ELF2: variants seen among roughly 807,000 people sequenced by gnomAD.
The protein encoded by ELF2 is ETS-related transcription factor Elf-2.
Under a neutral mutation model 54.8 loss-of-function variants are expected in ELF2, and 11 were observed. The observed-to-expected ratio is 0.20, with a 90% CI of 0.13 to 0.33. The LOEUF is 0.33. Among genes scored for constraint, ELF2 ranks in the 10% least tolerant of loss-of-function variants. ELF2 has a pLI of 1.00. For synonymous variants in ELF2, 203 were observed against 245.1 expected (o/e 0.83, Z 1.61); for missense variants, 513 against 703.0 (o/e 0.73, Z 3.06).
chr4:139,081,090 C>G (rs1731048308), intron 4 of ELF2, among the ~76,000 whole-genome samples: 1 of 152,122 alleles, frequency 6.6e-6, no homozygotes, highest in African/African-American at 2.4e-5. Flanking sequence ...TGTTAAGTCA[C>G]TAGCTAGTTT....
At chr4:139,136,224 G>A (rs961072639) in intron 3 of ELF2, among the ~76,000 whole-genome samples, 45 of 152,090 alleles carry the variant, frequency 3.0e-4, no homozygotes, top group Non-Finnish European at 1.5e-5. Flanking sequence ...ATTGACGATG[G>A]GAAGAAAGTA....
intron 1 of ELF2, among the ~76,000 whole-genome samples, chr4:139,168,944 C>T (rs72933574): frequency 0.19 from 28,242 of 151,944 alleles, 2,874 homozygotes; most frequent in South Asian, 0.38. Context: ...TGTTAAAAGC[C>T]CTGACAAATG....
chr4:139,092,510 C>T (rs777678900), intron 4 of ELF2, among the ~76,000 whole-genome samples: 1 of 151,688 alleles, frequency 6.6e-6, no homozygotes, highest in African/African-American at 2.4e-5. Context: ...CTAATCCCAC[C>T]ACTTTGAGAG....
chr4:139,067,121 A>T (rs1560760076), intron 7 of ELF2: 2 of 151,982 alleles, frequency 1.3e-5, no homozygotes, highest in Non-Finnish European at 2.9e-5. Flanking sequence ...AAAATTAAAA[A>T]AAAAAAAAGA....
At chr4:139,071,301 A>G (rs1729478548) in intron 6 of ELF2, among the ~76,000 whole-genome samples, 1 of 151,992 alleles carries the variant, frequency 6.6e-6, no homozygotes, top group Admixed American at 6.6e-5. Flanking sequence ...CTATATATGA[A>G]TATGATATAT....
chr4:139,146,417 G>T (rs1739228506), intron 1 of ELF2, among the ~76,000 whole-genome samples: 1 of 152,132 alleles, frequency 6.6e-6, no homozygotes, highest in African/African-American at 2.4e-5. Context: ...TCATGGATTG[G>T]AAGAATCAAT....
At chr4:139,119,867 C>T (rs530106084) in intron 4 of ELF2, among the ~76,000 whole-genome samples, 4 of 152,098 alleles carry the variant, frequency 2.6e-5, no homozygotes, top group South Asian at 2.1e-4. Context: ...CTCCACCTCC[C>T]GGTTCAGGCA....
intron 7 of ELF2, chr4:139,066,578 G>A (rs997643012): frequency 6.6e-6 from 1 of 152,040 alleles, no homozygotes; most frequent in Non-Finnish European, 1.5e-5. Context: ...TTTTTAATCA[G>A]GATACACAAA....
chr4:139,144,483 G>T (rs1234233772), intron 1 of ELF2, among the ~76,000 whole-genome samples: 2 of 152,196 alleles, frequency 1.3e-5, no homozygotes, highest in Non-Finnish European at 2.9e-5. Context: ...AATCTCAAGT[G>T]GGGATGAACT....
At chr4:139,078,574 C>CTT (rs35529764) in intron 4 of ELF2, among the ~76,000 whole-genome samples, 10 of 135,570 alleles carry the variant, frequency 7.4e-5, no homozygotes, top group Admixed American at 2.2e-4. Flanking sequence ...AATGGCAATT[C>CTT]TTTTTTTTTT....
At chr4:139,148,601 T>C (rs748639787) in intron 1 of ELF2, among the ~76,000 whole-genome samples, 2 of 152,122 alleles carry the variant, frequency 1.3e-5, no homozygotes, top group Non-Finnish European at 2.9e-5. Flanking sequence ...TCCTATTGTA[T>C]AGACATATCA....
intron 4 of ELF2, chr4:139,084,477 C>A (rs1332700219): frequency 7.9e-6 from 8 of 1,011,000 alleles, no homozygotes; most frequent in African/African-American, 1.7e-5. Flanking sequence ...GCTGTGGCGG[C>A]CGCCGCAGCT....
At chr4:139,170,948 G>A (rs767407280) in intron 1 of ELF2, among the ~76,000 whole-genome samples, 5 of 151,846 alleles carry the variant, frequency 3.3e-5, no homozygotes, top group Non-Finnish European at 7.4e-5. Flanking sequence ...GTTTTACCAT[G>A]CTGACCAGGC....
chr4:139,167,973 G>A (rs541238456), intron 1 of ELF2, among the ~76,000 whole-genome samples: 51 of 152,322 alleles, frequency 3.3e-4, no homozygotes, highest in Non-Finnish European at 4.7e-4. Context: ...AGTAGCTTCT[G>A]CTGGTAACTT....
chr4:139,081,255 T>C (rs1731071905), intron 4 of ELF2, among the ~76,000 whole-genome samples: 1 of 152,168 alleles, frequency 6.6e-6, no homozygotes, highest in African/African-American at 2.4e-5. Flanking sequence ...ATTTATTTCA[T>C]CCTTTACTCA....
At chr4:139,082,489 C>G (rs1344195071) in intron 4 of ELF2, among the ~76,000 whole-genome samples, 1 of 152,214 alleles carries the variant, frequency 6.6e-6, no homozygotes, top group Non-Finnish European at 1.5e-5. Flanking sequence ...TTTGGAACCT[C>G]TGAAACACAT....
At chr4:139,076,152 T>C (rs1414399691) in intron 4 of ELF2, among the ~76,000 whole-genome samples, 1 of 152,192 alleles carries the variant, frequency 6.6e-6, no homozygotes, top group African/African-American at 2.4e-5. Context: ...ATGACTGTTT[T>C]ACCACCTGTT....
At chr4:139,168,208 G>A (rs969062851) in intron 1 of ELF2, among the ~76,000 whole-genome samples, 31 of 152,120 alleles carry the variant, frequency 2.0e-4, no homozygotes, top group African/African-American at 5.3e-4. Context: ...AGACTCATAC[G>A]CAAAATAAGA....
chr4:139,124,868 A>G (rs539211911), intron 4 of ELF2, among the ~76,000 whole-genome samples: 1 of 152,310 alleles, frequency 6.6e-6, no homozygotes, highest in Admixed American at 6.5e-5. Flanking sequence ...ACTTGTATAA[A>G]TAACAGCTAG....
Sources: gnomAD v4.1 joint callset for allele counts (sites outside exome capture counted in the v4.1 genomes callset) on GRCh38, gnomAD v4.1.1 for gene constraint, MANE v1.5 for transcripts, NCBI Gene and HGNC (gene_info 2026-07-23, HGNC 2026-07-21) for gene names.